The following ERC2 variants were observed in gnomAD, a reference collection of about 807,000 sequenced individuals.
The protein encoded by ERC2 is ERC protein 2.
A neutral mutation model predicts 114.8 loss-of-function variants in ERC2; 42 were observed. The ratio of observed to expected loss-of-function variants is 0.37; its 90% confidence interval spans 0.29 to 0.47. ERC2 has a LOEUF of 0.47. Ranked by LOEUF, ERC2 falls within the 20% of genes least tolerant of loss-of-function variation. The pLI, the probability that ERC2 is intolerant of heterozygous loss-of-function variation, is 0.99. For synonymous variants in ERC2, 454 were observed against 425.5 expected (o/e 1.07, Z -0.82); for missense variants, 939 against 1,150.7 (o/e 0.82, Z 2.66).
intron 14 of ERC2, among the ~76,000 whole-genome samples, chr3:55,784,843 C>T (rs1486727628): frequency 1.3e-5 from 2 of 152,152 alleles, no homozygotes; most frequent in South Asian, 2.1e-4. Context: ...GAAGTTGCTG[C>T]CAAAGCTAGA....
At chr3:55,725,783 A>T (rs2064873211) in intron 15 of ERC2, among the ~76,000 whole-genome samples, 2 of 152,216 alleles carry the variant, frequency 1.3e-5, no homozygotes, top group African/African-American at 4.8e-5. Context: ...TCTGATAGGG[A>T]TTTGAAAAAT....
chr3:55,669,914 T>C (rs942043712), intron 17 of ERC2, among the ~76,000 whole-genome samples: 3 of 152,210 alleles, frequency 2.0e-5, no homozygotes, highest in Non-Finnish European at 4.4e-5. Flanking sequence ...ACATAGTAGA[T>C]ACTTGATAAA....
intron 1 of ERC2, among the ~76,000 whole-genome samples, chr3:56,451,090 A>G (rs1261650599): frequency 6.6e-6 from 1 of 152,198 alleles, no homozygotes; most frequent in Non-Finnish European, 1.5e-5. Context: ...TAAAATGTCA[A>G]TTGGCAAAGC....
chr3:56,271,006 C>CA lies in ERC2; in HGVS notation c.1074+25012dup, dbSNP rs941724537. On this transcript the variant is annotated intron_variant, in intron 3 of 17. Transcript: ENST00000288221. ...CAAAAAACAAAACAAAACAAACAAA[C>CA]AAAAAAAACCAGCCTTGTACTTTCT... 6.6e-5 allele frequency among the ~76,000 whole-genome samples: 10 copies of CA among 151,888 alleles called. No homozygotes were observed. The South Asian group carries it at 1.3e-3, about 19-fold the overall frequency.
rs554800750 is a variant in ERC2 at position 55,509,147 on chromosome 3, G to A, written c.*2169C>T. On this transcript the variant is annotated 3_prime_UTR_variant, in exon 18 of 18. Coordinates refer to ENST00000288221, the MANE Select transcript of ERC2 (RefSeq NM_015576.3). ...TAAGATCAGTAATATTTTAACCAAT[G>A]AAAGTTGGGCAGAAAATGATCCCTC... is the stretch of plus-strand genomic sequence containing the variant. The A allele has an allele frequency of 6.6e-6, 1 of 152,648 alleles. No homozygotes were observed. Among genetic ancestry groups the A allele is most frequent in the South Asian group, 2.1e-4 (1 of 4,820 alleles). The allele number at this position is 152,648 out of a possible 1,614,324, so 9.5% of individuals were successfully genotyped here.
At chr3:56,066,551 CAGTTT>C (rs2076491225) in intron 7 of ERC2, among the ~76,000 whole-genome samples, 1 of 152,040 alleles carries the variant, frequency 6.6e-6, no homozygotes, top group East Asian at 1.9e-4. Context: ...AGAAGCTCTT[CAGTTT>C]AATTAGATCC....
At chr3:56,247,734 G>A (rs1243907985) in intron 3 of ERC2, among the ~76,000 whole-genome samples, 2 of 152,206 alleles carry the variant, frequency 1.3e-5, no homozygotes, top group Non-Finnish European at 2.9e-5. Context: ...GGGAAATGAG[G>A]AATGGCTAGG....
chr3:56,044,416 T>A (rs1307513581), intron 7 of ERC2, among the ~76,000 whole-genome samples: 2 of 152,162 alleles, frequency 1.3e-5, no homozygotes, highest in Admixed American at 6.5e-5. Flanking sequence ...TTTACTTTTT[T>A]AAGAGATTAT....
chr3:55,695,967 A>G (rs969898949), intron 16 of ERC2, among the ~76,000 whole-genome samples: 2 of 152,186 alleles, frequency 1.3e-5, no homozygotes, highest in Admixed American at 6.5e-5. Context: ...ATAGAGTTGT[A>G]ATATGGAGCA....
chr3:55,911,976 C>T (rs911194203), intron 13 of ERC2, among the ~76,000 whole-genome samples: 4 of 152,154 alleles, frequency 2.6e-5, no homozygotes, highest in African/African-American at 9.7e-5. Context: ...AAGGGCACAA[C>T]ACTTAAAGGG....
At chr3:55,658,883 T>A (rs1248095675) in intron 17 of ERC2, 1 of 152,608 alleles carries the variant, frequency 6.6e-6, no homozygotes, top group South Asian at 2.1e-4. Flanking sequence ...ACAGGACATG[T>A]CAAGGCCAAG....
intron 15 of ERC2, among the ~76,000 whole-genome samples, chr3:55,714,661 G>A (rs62249284): frequency 7.0e-5 from 5 of 71,758 alleles, no homozygotes; most frequent in Non-Finnish European, 1.3e-4. Context: ...GTGTGTGTGT[G>A]TGTGTGTATA....
At chr3:55,625,718 T>G (rs1452882517) in intron 17 of ERC2, among the ~76,000 whole-genome samples, 1 of 151,922 alleles carries the variant, frequency 6.6e-6, no homozygotes, top group Non-Finnish European at 1.5e-5. Context: ...GCCACTGCAC[T>G]CCAGCCTGGG....
chr3:55,522,942 A>G (rs2053060102), intron 17 of ERC2, among the ~76,000 whole-genome samples: 1 of 152,228 alleles, frequency 6.6e-6, no homozygotes, highest in Non-Finnish European at 1.5e-5. Flanking sequence ...TTGAAGATTA[A>G]AGAGAGGAAA....
intron 4 of ERC2, among the ~76,000 whole-genome samples, chr3:56,162,407 A>T (rs961096924): frequency 6.6e-6 from 1 of 152,124 alleles, no homozygotes; most frequent in African/African-American, 2.4e-5. Flanking sequence ...TGAGTTAGGG[A>T]GGAGTCCGTG....
intron 17 of ERC2, among the ~76,000 whole-genome samples, chr3:55,677,842 AG>A (rs1463879165): frequency 6.6e-6 from 1 of 152,174 alleles, no homozygotes; most frequent in Non-Finnish European, 1.5e-5. Context: ...CAGAGCCTCC[AG>A]GGCTTATGGA....
chr3:55,673,804 G>GTTTTTTTTTTTTTTT (rs10575865), intron 17 of ERC2, among the ~76,000 whole-genome samples: 1 of 113,782 alleles, frequency 8.8e-6, no homozygotes, highest in Non-Finnish European at 1.9e-5. Flanking sequence ...TAATTACCAA[G>GTTTTTTTTTTTTTTT]TTTTTTTTTT....
intron 17 of ERC2, among the ~76,000 whole-genome samples, chr3:55,578,762 G>C (rs1309293471): frequency 3.3e-5 from 5 of 152,192 alleles, no homozygotes; most frequent in Non-Finnish European, 1.5e-5. Context: ...AAGTGGAATA[G>C]GTAGCTGTGC....
chr3:55,880,307 T>G (rs1488987802), intron 14 of ERC2, among the ~76,000 whole-genome samples: 1 of 152,266 alleles, frequency 6.6e-6, no homozygotes, highest in Non-Finnish European at 1.5e-5. Context: ...TGAAGCTAAC[T>G]AGAACATTCC....
Sources: gnomAD v4.1 joint callset for allele counts (sites outside exome capture counted in the v4.1 genomes callset) on GRCh38, gnomAD v4.1.1 for gene constraint, MANE v1.5 for transcripts, NCBI Gene and HGNC (gene_info 2026-07-23, HGNC 2026-07-21) for gene names.